Variants in CACNA2D1 observed in about 807,000 individuals in gnomAD.
CACNA2D1 encodes calcium voltage-gated channel auxiliary subunit alpha2delta 1, also known as voltage-dependent calcium channel subunit alpha-2/delta-1.
In CACNA2D1, 53 loss-of-function variants were observed where a neutral mutation model predicts 171.5. That is an observed-to-expected ratio of 0.31 (90% CI 0.25 to 0.39). CACNA2D1 has a LOEUF of 0.39. Among genes scored for constraint, CACNA2D1 ranks in the 10% least tolerant of loss-of-function variants. CACNA2D1 has a pLI of 1.00. For missense variants in CACNA2D1, 903 were observed against 1,299.8 expected, an observed-to-expected ratio of 0.69 and a Z score of 4.69; for synonymous variants, 442 against 443.1, an observed-to-expected ratio of 1.00 and a Z score of 0.03.
At chr7:82,194,541 A>G (rs1159683887) in intron 3 of CACNA2D1, among the ~76,000 whole-genome samples, 2 of 152,100 alleles carry the variant, frequency 1.3e-5, no homozygotes, top group Non-Finnish European at 2.9e-5. Flanking sequence ...TTAATGAATA[A>G]TAGCTATTAA....
At chr7:81,967,272 A>G (rs1794805996) in intron 30 of CACNA2D1, 65 bp from the exon 31 acceptor site, 1 of 1,214,460 alleles carries the variant, frequency 8.2e-7, no homozygotes, top group South Asian at 1.2e-5. Flanking sequence ...TATTATTACC[A>G]TGTTATAATT....
chr7:82,277,749 TA>T lies in CACNA2D1; in HGVS notation c.294+57385del, dbSNP rs200389433. On this transcript the variant is annotated intron_variant, in intron 3 of 38. Transcript: ENST00000356860. ...ATTTGATTTTTTAATTTTTTACTTTTATTTTTTTTTTTTTGAGATGGAGTCT... is the reference window on the plus strand; with the variant it reads ...ATTTGATTTTTTAATTTTTTACTTTTTTTTTTTTTTTTTGAGATGGAGTCT... 1.1e-3 allele frequency among the ~76,000 whole-genome samples: 159 copies of T among 148,320 alleles called. 6 individuals carry two copies. The South Asian group carries it at 0.028, about 26-fold the overall frequency.
At chr7:82,102,106 C>G (rs956196691) in intron 6 of CACNA2D1, among the ~76,000 whole-genome samples, 7 of 151,930 alleles carry the variant, frequency 4.6e-5, no homozygotes, top group Non-Finnish European at 8.8e-5. Context: ...TTTTCCCTAA[C>G]CTGCCATTGT....
chr7:82,091,844 TAAAAC>T (rs1811210741), intron 6 of CACNA2D1, among the ~76,000 whole-genome samples: 4 of 152,186 alleles, frequency 2.6e-5, no homozygotes, highest in African/African-American at 4.8e-5. Flanking sequence ...ACATACTACT[TAAAAC>T]AAATCATTTA....
intron 5 of CACNA2D1, among the ~76,000 whole-genome samples, chr7:82,125,586 GAA>G (rs1790239833): frequency 6.6e-6 from 1 of 151,890 alleles, no homozygotes; most frequent in Non-Finnish European, 1.5e-5. Flanking sequence ...TTTAAAATCT[GAA>G]TAAACAGAGC....
intron 3 of CACNA2D1, among the ~76,000 whole-genome samples, chr7:82,264,767 A>C (rs1395289132): frequency 1.3e-5 from 2 of 152,148 alleles, no homozygotes; most frequent in African/African-American, 4.8e-5. Flanking sequence ...TGCGATTTTT[A>C]AAAATAATAT....
intron 5 of CACNA2D1, among the ~76,000 whole-genome samples, chr7:82,133,727 C>A (rs1221757749): frequency 1.3e-5 from 2 of 152,104 alleles, no homozygotes; most frequent in Non-Finnish European, 2.9e-5. Context: ...GATCCAACAA[C>A]TATTTCCCAA....
intron 4 of CACNA2D1, among the ~76,000 whole-genome samples, chr7:82,142,834 T>C (rs1792554317): frequency 6.6e-6 from 1 of 151,238 alleles, no homozygotes; most frequent in Admixed American, 6.6e-5. Flanking sequence ...GTTATGTTAA[T>C]GATTCATGCC....
At chr7:82,034,284 C>T (rs1803045254) in intron 11 of CACNA2D1, among the ~76,000 whole-genome samples, 2 of 151,944 alleles carry the variant, frequency 1.3e-5, no homozygotes, top group South Asian at 4.1e-4. Flanking sequence ...ATTATTTTTT[C>T]TTTAGTGTTC....
intron 3 of CACNA2D1, among the ~76,000 whole-genome samples, chr7:82,242,911 T>C (rs1347303714): frequency 6.6e-6 from 1 of 152,138 alleles, no homozygotes; most frequent in Admixed American, 6.6e-5. Flanking sequence ...TAGAATCATA[T>C]TTAGTGTAAT....
intron 4 of CACNA2D1, among the ~76,000 whole-genome samples, chr7:82,162,140 C>T (rs1795005781): frequency 6.6e-6 from 1 of 152,000 alleles, no homozygotes; most frequent in South Asian, 2.1e-4. Flanking sequence ...CAAAGAAGAG[C>T]TTCACCATAG....
intron 4 of CACNA2D1, among the ~76,000 whole-genome samples, chr7:82,145,331 GTA>G (rs1478872765): frequency 7.3e-6 from 1 of 137,868 alleles, no homozygotes; most frequent in Admixed American, 7.4e-5. Flanking sequence ...TATATAAATT[GTA>G]TATAATATAT....
intron 3 of CACNA2D1, among the ~76,000 whole-genome samples, chr7:82,231,741 A>T (rs1802956611): frequency 6.6e-6 from 1 of 152,194 alleles, no homozygotes; most frequent in Non-Finnish European, 1.5e-5. Context: ...TTAAAGAAAT[A>T]GTATCACCCC....
intron 4 of CACNA2D1, among the ~76,000 whole-genome samples, chr7:82,169,090 T>C (rs565357611): frequency 1.2e-3 from 185 of 152,188 alleles, no homozygotes; most frequent in Non-Finnish European, 2.3e-3. Context: ...ATGTTGTTAA[T>C]CAAACATATA....
chr7:81,959,574 A>G (rs1302909323), intron 37 of CACNA2D1, 146 bp downstream of exon 37: 3 of 963,254 alleles, frequency 3.1e-6, no homozygotes, highest in Non-Finnish European at 4.8e-6. Context: ...ATTCCAACCA[A>G]ATTTTGAGTG....
intron 3 of CACNA2D1, among the ~76,000 whole-genome samples, chr7:82,309,190 G>A (rs1814110633): frequency 6.6e-6 from 1 of 152,056 alleles, no homozygotes; most frequent in Non-Finnish European, 1.5e-5. Context: ...TGGATCACCT[G>A]AGGTCAGGAG....
intron 2 of CACNA2D1, among the ~76,000 whole-genome samples, chr7:82,349,267 A>G (rs756556865): frequency 3.3e-4 from 51 of 152,328 alleles, no homozygotes; most frequent in Middle Eastern, 3.4e-3. Context: ...AAACATTATA[A>G]TAGTAAGTAC....
intron 1 of CACNA2D1, among the ~76,000 whole-genome samples, chr7:82,430,272 G>A (rs1274588587): frequency 3.3e-5 from 5 of 151,916 alleles, no homozygotes; most frequent in Admixed American, 3.3e-4. Flanking sequence ...AAAAAAATTA[G>A]CCAGGCATGG....
At chr7:82,295,837 T>C (rs1812208246) in intron 3 of CACNA2D1, among the ~76,000 whole-genome samples, 1 of 151,912 alleles carries the variant, frequency 6.6e-6, no homozygotes, top group East Asian at 1.9e-4. Flanking sequence ...CTATTCACAA[T>C]AGCAAAGACT....
Sources: allele counts gnomAD v4.1 joint callset (sites outside exome capture counted in the v4.1 genomes callset), GRCh38; gene constraint gnomAD v4.1.1; transcripts MANE v1.5; gene names NCBI Gene and HGNC (gene_info 2026-07-23, HGNC 2026-07-21).